Variants in EPS8L3 observed in about 807,000 individuals in gnomAD.
EPS8L3 encodes the protein EPS8 signaling adaptor L3.
Under a neutral mutation model 88.5 loss-of-function variants are expected in EPS8L3, and 80 were observed. The ratio of observed to expected loss-of-function variants is 0.90; its 90% CI spans 0.75 to 1.09. EPS8L3 has a LOEUF of 1.09. Among genes scored for constraint, EPS8L3 ranks in the 50% least tolerant of loss-of-function variants. EPS8L3 has a pLI of 0.00. For synonymous variants in EPS8L3, 286 were observed against 291.0 expected, an observed-to-expected ratio of 0.98 and a Z score of 0.18; for missense variants, 721 against 735.2, an observed-to-expected ratio of 0.98 and a Z score of 0.22.
At position 109,761,303 on chromosome 1, in the gene EPS8L3, C is replaced by T. The variant is rs953655000; in HGVS notation, c.96+192G>A. On this transcript the variant is annotated intron_variant, in intron 3 of 18. Coordinates refer to ENST00000361965, the MANE Select transcript of EPS8L3 (RefSeq NM_133181.4). ...CCTGCTCTGTTCAATCTGACCACCC[C>T]TCCCCGTCCCTGACACTGAGCAGAT... is the stretch of plus-strand genomic sequence containing the variant. 5.0e-6 allele frequency: 3 copies of T among 594,186 alleles called. No homozygotes were observed. In the South Asian group the frequency reaches 6.1e-5, roughly 12 times the overall value. 36.8% of individuals were successfully genotyped at this position (594,186 alleles called of 1,614,324 possible).
Position 109,759,512 on chromosome 1 carries a change from TGCCTCTGTCCCCA to T in EPS8L3, c.256-138_256-126del. ...TGAGGTGTCATCTACCTGACTCTTG[TGCCTCTGTCCCCA>T]GCCTCTGTCCCCTGTCTCTTCCTAG... is the stretch of plus-strand genomic sequence containing the variant. On this transcript the variant is annotated intron_variant, in intron 4 of 18. Coordinates refer to ENST00000361965, the MANE Select transcript of EPS8L3 (RefSeq NM_133181.4). The surrounding 1 kb of genome is among the most constrained non-coding windows in gnomAD (Gnocchi z 4.2). The T allele has an allele frequency of 2.6e-6, 4 of 1,515,270 alleles. No homozygotes were observed. Among genetic ancestry groups the T allele is most frequent in the East Asian group, 2.3e-5 (1 of 43,564 alleles). 93.9% of individuals were successfully genotyped at this position (1,515,270 alleles called of 1,614,324 possible).
chr1:109,759,739 C>T lies in EPS8L3; in HGVS notation c.194G>A (p.Ser65Asn), dbSNP rs1245333162. 2.5e-6 allele frequency: 4 copies of T among 1,614,088 alleles called. No individual in the cohort carries two copies. The highest frequency in any genetic ancestry group is 8.5e-7 in the Non-Finnish European group (1 of 1,180,020). The change falls in exon 4 of 19, where the codon AGC (serine) becomes AAC (asparagine). Residue 65 changes from serine (S) to asparagine (N), a missense_variant. Physicochemically the swap from Ser to Asn is conservative, Grantham distance 46 (BLOSUM62 1). Coordinates refer to ENST00000361965, the MANE Select transcript of EPS8L3 (RefSeq NM_133181.4). The surrounding 1 kb of genome is among the most constrained non-coding windows in gnomAD (Gnocchi z 4.2). The part of the protein sequence containing the change: ...FEMDAQGRVW[S>N]QDLILQVRDG... ...CCTGACCTGCAGGATCAAGTCTTGG[C>T]TCCACACCCGGCCCTGTGCATCCAT...
At chr1:109,760,471 G>A (rs1167999310) in intron 3 of EPS8L3, among the ~76,000 whole-genome samples, 4 of 152,090 alleles carry the variant, frequency 2.6e-5, no homozygotes, top group Non-Finnish European at 5.9e-5. Context: ...CTTGTGGTAG[G>A]GAGATGCAGC....
At position 109,757,005 on chromosome 1, in the gene EPS8L3, G is replaced by T. The variant is rs1650344427; in HGVS notation, c.1118+12C>A. ...TCACCCCCGATTCAGTTCAGGCTTT[G>T]TCTTCACTCACCGGCTAGTGGTCCA... is the stretch of plus-strand genomic sequence containing the variant. On this transcript the variant is annotated intron_variant, in intron 12 of 18. Coordinates refer to ENST00000361965, the MANE Select transcript of EPS8L3 (RefSeq NM_133181.4). The T allele has an allele frequency of 1.2e-6, 2 of 1,614,162 alleles. No homozygotes were observed. Among genetic ancestry groups the T allele is most frequent in the East Asian group, 4.5e-5 (2 of 44,880 alleles).
In EPS8L3 at chr1:109,751,365, G is replaced by T; in HGVS notation, c.1564-14C>A. Reference sequence around the variant, plus strand: ...AAGCATTGGAACCTAGAATCAGGGGGAACCAGGGATCAGAGTCCATCTCAT... The same window carrying T: ...AAGCATTGGAACCTAGAATCAGGGGTAACCAGGGATCAGAGTCCATCTCAT... On this transcript the variant is annotated splice_polypyrimidine_tract_variant and intron_variant, in intron 16 of 18. Transcript: ENST00000361965. The T allele has an allele frequency of 1.2e-6, 2 of 1,612,642 alleles. No individual in the cohort carries two copies. Among genetic ancestry groups the T allele is most frequent in the Non-Finnish European group, 8.5e-7 (1 of 1,179,434 alleles).
chr1:109,755,469 A>T (rs894914590), intron 12 of EPS8L3, among the ~76,000 whole-genome samples: 2 of 152,224 alleles, frequency 1.3e-5, no homozygotes, highest in Non-Finnish European at 2.9e-5. Flanking sequence ...ATGTCTTCAG[A>T]CAAACTGGAC....
At position 109,750,648 on chromosome 1, in the gene EPS8L3, G is replaced by C. The variant is rs749182432; in HGVS notation, c.1770+12C>G. The C allele has an allele frequency of 1.2e-5, 19 of 1,614,088 alleles. 2 individuals carry two copies. In the South Asian group the frequency reaches 2.0e-4, roughly 17 times the overall value. On this transcript the variant is annotated intron_variant, in intron 18 of 18. Transcript: ENST00000361965. ...ACTCCCAATGGTTGTCAGGACCCCAGGGTGTCCTCACCCCCAGCATCCTTC... is the reference window on the plus strand; with the variant it reads ...ACTCCCAATGGTTGTCAGGACCCCACGGTGTCCTCACCCCCAGCATCCTTC...
chr1:109,752,642 T>A, intron 14 of EPS8L3, 44 bp downstream of exon 14: 1 of 1,533,176 alleles, frequency 6.5e-7, no homozygotes, highest in Non-Finnish European at 8.8e-7. Flanking sequence ...GCCCTGTCCC[T>A]CCCTCCCCAG....
Position 109,750,679 on chromosome 1 carries a change from G to A in EPS8L3, c.1751C>T (p.Ala584Val). The A allele has an allele frequency of 6.2e-7, 1 of 1,614,232 alleles. No individual in the cohort carries two copies. Residue 584 changes from alanine (A) to valine (V), a missense_variant, in exon 18 of 19, where the codon GCT becomes GTT. Coordinates refer to ENST00000361965, the MANE Select transcript of EPS8L3 (RefSeq NM_133181.4). ...EAPRILSRLEAVRRMLGISP is the reference protein window; with the variant it reads ...EAPRILSRLEVVRRMLGISP ...CCTCACCCCCAGCATCCTTCTGACA[G>A]CCTCCAGCCGGGACAGGATTCGTGG...
chr1:109,756,237 T>C (rs1274188449), intron 12 of EPS8L3, among the ~76,000 whole-genome samples: 1 of 152,180 alleles, frequency 6.6e-6, no homozygotes, highest in African/African-American at 2.4e-5. Flanking sequence ...GTTTGGTTTT[T>C]TGTTTTGTTT....
chr1:109,758,756 C>A, intron 6 of EPS8L3, 93 bp from the exon 7 acceptor site: 1 of 1,453,648 alleles, frequency 6.9e-7, no homozygotes, highest in South Asian at 1.4e-5. Flanking sequence ...GGGGCACCAC[C>A]ACCTCTCTCC....
chr1:109,753,350 A>G (rs1020930605), intron 12 of EPS8L3, 152 bp from the exon 13 acceptor site: 5 of 622,452 alleles, frequency 8.0e-6, no homozygotes, highest in Non-Finnish European at 1.4e-5. Flanking sequence ...GAAAGGCCCC[A>G]GGACACCCAC....
rs757397520 is a variant in EPS8L3 at position 109,750,693 on chromosome 1, C to T, written c.1737G>A (p.Leu579=). Reference sequence around the variant, plus strand: ...TCCTTCTGACAGCCTCCAGCCGGGACAGGATTCGTGGGGCCTCCTGTGGAC... The same window carrying T: ...TCCTTCTGACAGCCTCCAGCCGGGATAGGATTCGTGGGGCCTCCTGTGGAC... ...MLCPQEAPRI[L]SRLEAVRRML... Residue 579 remains leucine, a synonymous_variant, in exon 18 of 19, where the codon CTG becomes CTA. Transcript: ENST00000361965. 3.1e-6 allele frequency: 5 copies of T among 1,614,122 alleles called. No homozygotes were observed. In the African/African-American group the frequency reaches 5.3e-5, roughly 17 times the overall value.
intron 1 of EPS8L3, among the ~76,000 whole-genome samples, chr1:109,762,470 AC>A (rs1335964272): frequency 6.6e-6 from 1 of 151,704 alleles, no homozygotes; most frequent in Non-Finnish European, 1.5e-5. Context: ...GGACCATCCA[AC>A]CCCACCCTGC....
chr1:109,755,133 G>A (rs191536761), intron 12 of EPS8L3, among the ~76,000 whole-genome samples: 123 of 152,242 alleles, frequency 8.1e-4, no homozygotes, highest in African/African-American at 2.8e-3. Flanking sequence ...AGCCACATAC[G>A]ACAGGACAAA....
intron 12 of EPS8L3, among the ~76,000 whole-genome samples, chr1:109,753,416 A>G (rs1330583333): frequency 2.6e-5 from 4 of 152,220 alleles, no homozygotes; most frequent in African/African-American, 4.8e-5. Context: ...TCTGGGGGTC[A>G]ACCTCACCTC....
rs1183315921 is a variant in EPS8L3, at chr1:109,750,365, G to C, written c.*26C>G. 2 of 1,613,490 alleles carry C rather than the reference G, an allele frequency of 1.2e-6. No homozygotes were observed. The highest frequency in any genetic ancestry group is 1.3e-5 in the African/African-American group (1 of 74,914). ...TGCCATCTTGCATCAGCGGGGCCTG[G>C]TTCTTGGAGGTGTCTAAGCTGGTGC... On this transcript the variant is annotated 3_prime_UTR_variant, in exon 19 of 19. Coordinates refer to ENST00000361965, the MANE Select transcript of EPS8L3 (RefSeq NM_133181.4).
chr1:109,750,889 G>A, intron 17 of EPS8L3, 97 bp from the exon 18 acceptor site: 1 of 1,467,748 alleles, frequency 6.8e-7, no homozygotes, highest in Non-Finnish European at 9.3e-7. Context: ...TCGGAGGTTG[G>A]GGTTACAGAA....
At position 109,759,833 on chromosome 1, in the gene EPS8L3, A is replaced by T. The variant is rs762144613; in HGVS notation, c.100T>A (p.Leu34Met). 3.1e-6 allele frequency: 5 copies of T among 1,613,724 alleles called. No individual in the cohort carries two copies. Among genetic ancestry groups the T allele is most frequent in the Non-Finnish European group, 3.4e-6 (4 of 1,179,864 alleles). The change falls in exon 4 of 19, where the codon TTG becomes ATG. Residue 34 changes from leucine (L) to methionine (M), a missense_variant. Transcript: ENST00000361965. This position sits in a 1 kb window ranked among gnomAD's most constrained non-coding sequence, Gnocchi z 4.2. ...PTLLQHRVEH[L>M]MTCKQGSQRV... ...TGACTCCCCTGCTTGCATGTCATCAAGTGCTGCAGGGAGAGGGGGAGTCCT... is the reference window on the plus strand; with the variant it reads ...TGACTCCCCTGCTTGCATGTCATCATGTGCTGCAGGGAGAGGGGGAGTCCT...
Sources: allele counts gnomAD v4.1 joint callset (sites outside exome capture counted in the v4.1 genomes callset), GRCh38; gene constraint gnomAD v4.1.1; non-coding constraint Gnocchi (gnomAD v3.1); transcripts MANE v1.5; gene names NCBI Gene and HGNC (gene_info 2026-07-23, HGNC 2026-07-21).